The following DGKB variants were observed in gnomAD, a reference collection of about 807,000 sequenced individuals.
DGKB encodes the protein 90 kDa diacylglycerol kinase.
A neutral mutation model predicts 114.3 loss-of-function variants in DGKB; 67 were observed. That is an observed-to-expected ratio of 0.59 (90% CI 0.48 to 0.72). The LOEUF is 0.72. Ranked by LOEUF, DGKB falls within the 30% of genes least tolerant of loss-of-function variation. The pLI is 0.00. For missense variants in DGKB, 907 were observed against 975.2 expected (o/e 0.93, Z 0.93); for synonymous variants, 398 against 323.1 (o/e 1.23, Z -2.49).
At chr7:14,769,178 GA>G in intron 2 of DGKB, among the ~76,000 whole-genome samples, 2 of 115,700 alleles carry the variant, frequency 1.7e-5, no homozygotes. Context: ...GAAGGAAAGA[GA>G]AAGGAAAGAA....
At chr7:14,701,562 T>C (rs1229720101) in intron 7 of DGKB, 119 bp downstream of exon 7, 3 of 702,022 alleles carry the variant, frequency 4.3e-6, no homozygotes, top group Admixed American at 2.5e-5. Context: ...AAATGCCATA[T>C]GAGTGGATGT....
intron 23 of DGKB, among the ~76,000 whole-genome samples, chr7:14,323,426 G>GTGAA (rs1808173952): frequency 6.6e-6 from 1 of 152,140 alleles, no homozygotes; most frequent in African/African-American, 2.4e-5. Flanking sequence ...TGTAGTTTAT[G>GTGAA]ACAGCGTTCA....
At chr7:14,786,131 G>A (rs1260169233) in intron 2 of DGKB, among the ~76,000 whole-genome samples, 1 of 149,260 alleles carries the variant, frequency 6.7e-6, no homozygotes, top group Non-Finnish European at 1.5e-5. Context: ...AAAATTTCCA[G>A]GAACATGTAC....
chr7:14,550,445 A>C (rs540474094), intron 20 of DGKB, among the ~76,000 whole-genome samples: 149 of 152,268 alleles, frequency 9.8e-4, no homozygotes, highest in African/African-American at 3.5e-3. Context: ...AACTAATCTA[A>C]GTCATTCTGG....
chr7:14,814,954 C>G (rs990213400), intron 2 of DGKB, among the ~76,000 whole-genome samples: 18 of 152,130 alleles, frequency 1.2e-4, no homozygotes, highest in African/African-American at 4.1e-4. Context: ...TTAATTACAG[C>G]ATTTTATAGT....
At chr7:14,670,810 T>A (rs897795022) in intron 13 of DGKB, among the ~76,000 whole-genome samples, 2 of 152,170 alleles carry the variant, frequency 1.3e-5, no homozygotes, top group East Asian at 3.9e-4. Flanking sequence ...TTGTTTATTG[T>A]CTACATTACC....
chr7:14,495,604 T>C (rs537389662), intron 20 of DGKB, among the ~76,000 whole-genome samples: 1 of 151,862 alleles, frequency 6.6e-6, no homozygotes, highest in South Asian at 2.1e-4. Context: ...TATTCTACTA[T>C]CTGGTATGAG....
intron 19 of DGKB, among the ~76,000 whole-genome samples, chr7:14,575,952 A>G (rs78379063): frequency 0.045 from 6,811 of 152,290 alleles, 218 homozygotes; most frequent in Non-Finnish European, 0.062. Context: ...TCAATTAACT[A>G]TTAGAAGGTG....
intron 4 of DGKB, among the ~76,000 whole-genome samples, chr7:14,738,461 T>C (rs1445067766): frequency 1.3e-5 from 2 of 152,208 alleles, no homozygotes; most frequent in African/African-American, 4.8e-5. Context: ...CTGTGGACAA[T>C]TTAAGCTCTC....
At chr7:14,665,354 G>A (rs889661768) in intron 13 of DGKB, among the ~76,000 whole-genome samples, 1 of 151,754 alleles carries the variant, frequency 6.6e-6, no homozygotes, top group Non-Finnish European at 1.5e-5. Flanking sequence ...CAGATAGAGG[G>A]CAACAACGAC....
chr7:14,601,206 G>A (rs927475047), intron 17 of DGKB, among the ~76,000 whole-genome samples: 12 of 152,222 alleles, frequency 7.9e-5, no homozygotes, highest in Non-Finnish European at 1.2e-4. Flanking sequence ...CACAGATGGA[G>A]TGGCCCAGGA....
At chr7:14,962,057 C>T (rs1479327092) in intron 1 of DGKB, among the ~76,000 whole-genome samples, 1 of 152,044 alleles carries the variant, frequency 6.6e-6, no homozygotes, top group African/African-American at 2.4e-5. Context: ...TATCACCAGC[C>T]ATAAAACCGT....
At chr7:14,219,745 G>C (rs527567306) in intron 23 of DGKB, among the ~76,000 whole-genome samples, 5 of 151,632 alleles carry the variant, frequency 3.3e-5, no homozygotes, top group African/African-American at 1.2e-4. Flanking sequence ...TTTCTTGATA[G>C]AGTCCTTTGA....
At chr7:14,500,844 C>T (rs1013497680) in intron 20 of DGKB, among the ~76,000 whole-genome samples, 121 of 151,846 alleles carry the variant, frequency 8.0e-4, no homozygotes, top group African/African-American at 2.8e-3. Context: ...AAATATTTAG[C>T]AACATTCTTG....
At chr7:14,841,162 A>G (rs1340109527) in intron 2 of DGKB, 32 bp downstream of exon 2, 1 of 1,557,516 alleles carries the variant, frequency 6.4e-7, no homozygotes, top group Non-Finnish European at 8.8e-7. Context: ...ACAAATGTCA[A>G]ATAATCTCAT....
In DGKB at chr7:14,944,170, C is replaced by T. The variant is rs1785731495; in HGVS notation, c.-188+30526G>A. On this transcript the variant is annotated intron_variant, in intron 1 of 4. Transcript: ENST00000437998. ...CACTTAGCTGTCATAATTCTACCTGCTAGTGGCAAAAATGCTCTGCAGGTG... is the reference window on the plus strand; with the variant it reads ...CACTTAGCTGTCATAATTCTACCTGTTAGTGGCAAAAATGCTCTGCAGGTG... 5.3e-5 allele frequency among the ~76,000 whole-genome samples: 8 copies of T among 151,906 alleles called. No individual in the cohort carries two copies. In the South Asian group the frequency reaches 1.7e-3, roughly 32 times the overall value.
chr7:14,289,893 G>T (rs1465275149), intron 23 of DGKB, among the ~76,000 whole-genome samples: 1 of 152,092 alleles, frequency 6.6e-6, no homozygotes, highest in African/African-American at 2.4e-5. Flanking sequence ...TCATTAGTAA[G>T]AGGAAAAAAC....
intron 20 of DGKB, among the ~76,000 whole-genome samples, chr7:14,556,886 T>C (rs549651067): frequency 6.6e-6 from 1 of 152,342 alleles, no homozygotes; most frequent in South Asian, 2.1e-4. Flanking sequence ...CATTCTGAAA[T>C]TTTGTTAAAA....
intron 2 of DGKB, among the ~76,000 whole-genome samples, chr7:14,825,045 T>TC (rs1398289380): frequency 7.0e-6 from 1 of 143,162 alleles, no homozygotes; most frequent in African/African-American, 2.6e-5. Context: ...TATATATATA[T>TC]ATATATATAT....
Sources: allele counts gnomAD v4.1 joint callset (sites outside exome capture counted in the v4.1 genomes callset), GRCh38; gene constraint gnomAD v4.1.1; transcripts MANE v1.5; gene names NCBI Gene and HGNC (gene_info 2026-07-23, HGNC 2026-07-21).